The following SNTB2 variants were observed in gnomAD, a reference collection of about 807,000 sequenced individuals.
SNTB2 encodes the protein syntrophin beta 2.
SNTB2 carries 34 observed loss-of-function variants against 46.2 expected under a neutral mutation model. That is an observed-to-expected ratio of 0.74 (90% CI 0.56 to 0.98). SNTB2 has a LOEUF of 0.98. Ranked by LOEUF, SNTB2 falls within the 50% of genes least tolerant of loss-of-function variation. The probability of loss-of-function intolerance (pLI) is 0.00; values close to 1 mark genes in which losing one functional copy is unlikely to be tolerated. For missense variants in SNTB2, 603 were observed against 731.4 expected (o/e 0.82, Z 2.02); for synonymous variants, 290 against 312.6 (o/e 0.93, Z 0.76).
intron 3 of SNTB2, among the ~76,000 whole-genome samples, chr16:69,266,475 G>T (rs906261129): frequency 2.0e-5 from 3 of 152,114 alleles, no homozygotes; most frequent in African/African-American, 7.2e-5. Flanking sequence ...AGAGGGAAAA[G>T]ATATTCTCTA....
chr16:69,227,084 ATTC>A (rs1274982614), intron 1 of SNTB2, among the ~76,000 whole-genome samples: 1 of 152,228 alleles, frequency 6.6e-6, no homozygotes, highest in African/African-American at 2.4e-5. Flanking sequence ...AGGGCCTTTT[ATTC>A]AAACAGTTGC....
chr16:69,254,725 C>G (rs969934060), intron 2 of SNTB2, among the ~76,000 whole-genome samples: 3 of 152,168 alleles, frequency 2.0e-5, no homozygotes, highest in Non-Finnish European at 4.4e-5. Context: ...TGCCTATAAT[C>G]CTAGCACTTT....
chr16:69,264,574 A>G (rs907900421), intron 3 of SNTB2, among the ~76,000 whole-genome samples: 2 of 152,230 alleles, frequency 1.3e-5, no homozygotes, highest in African/African-American at 4.8e-5. Context: ...ACAGAAGAGC[A>G]GCCGAGTTCA....
intron 1 of SNTB2, among the ~76,000 whole-genome samples, chr16:69,222,166 C>G (rs115756191): frequency 2.0e-5 from 3 of 152,160 alleles, no homozygotes; most frequent in African/African-American, 4.8e-5. Flanking sequence ...ACCGCAAGTT[C>G]CTTGCAATAG....
At chr16:69,239,350 G>A (rs1220248142) in intron 1 of SNTB2, among the ~76,000 whole-genome samples, 1 of 151,796 alleles carries the variant, frequency 6.6e-6, no homozygotes, top group African/African-American at 2.4e-5. Context: ...TTATCATACT[G>A]TACAATTGAA....
chr16:69,279,688 G>A (rs183636327), intron 4 of SNTB2, among the ~76,000 whole-genome samples: 1 of 136,730 alleles, frequency 7.3e-6, no homozygotes, highest in Non-Finnish European at 1.6e-5. Context: ...ACCATGCCCG[G>A]CTAATTTTTT....
intron 2 of SNTB2, among the ~76,000 whole-genome samples, chr16:69,256,936 G>A (rs190007530): frequency 6.6e-5 from 10 of 152,284 alleles, no homozygotes; most frequent in Admixed American, 6.5e-5. Context: ...TTGGGAGACC[G>A]AGGCAGGCGG....
intron 1 of SNTB2, among the ~76,000 whole-genome samples, chr16:69,198,772 A>T (rs1964131424): frequency 6.6e-6 from 1 of 152,210 alleles, no homozygotes; most frequent in Non-Finnish European, 1.5e-5. Context: ...TTTCTTACCT[A>T]TTAAAAATAA....
At chr16:69,224,671 A>G (rs1272113986) in intron 1 of SNTB2, among the ~76,000 whole-genome samples, 1 of 152,202 alleles carries the variant, frequency 6.6e-6, no homozygotes, top group Non-Finnish European at 1.5e-5. Flanking sequence ...CATGCCTACT[A>G]CACTTACTAA....
rs1175655013 is a variant in SNTB2 at position 69,260,122 on chromosome 16, C to T, written c.867C>T (p.His289=). The change falls in exon 3 of 7, where the codon CAC becomes CAT. Residue 289 remains histidine, a synonymous_variant. Coordinates refer to ENST00000336278, the MANE Select transcript of SNTB2 (RefSeq NM_006750.4). ...ILRCKDTATA[H]SWFVAIHTNI... is the part of the protein sequence containing the mutation. ...GCTGCAAAGATACAGCCACAGCACA[C>T]TCCTGGTTCGTAGCTATCCACACCA... The T allele has an allele frequency of 6.2e-7, 1 of 1,613,998 alleles. No individual in the cohort carries two copies. The highest frequency in any genetic ancestry group is 1.3e-5 in the African/African-American group (1 of 74,986).
chr16:69,282,148 G>A (rs1360000582), intron 4 of SNTB2, among the ~76,000 whole-genome samples: 6 of 149,286 alleles, frequency 4.0e-5, no homozygotes, highest in Non-Finnish European at 6.0e-5. Context: ...CAAGTGATCC[G>A]CCCGCCTTGG....
At chr16:69,225,655 C>T (rs572328328) in intron 1 of SNTB2, among the ~76,000 whole-genome samples, 1 of 152,198 alleles carries the variant, frequency 6.6e-6, no homozygotes, top group South Asian at 2.1e-4. Flanking sequence ...GGACACATGT[C>T]TTCCTTTTAT....
intron 1 of SNTB2, among the ~76,000 whole-genome samples, chr16:69,244,647 A>G (rs1325670110): frequency 2.0e-5 from 3 of 152,194 alleles, no homozygotes; most frequent in Non-Finnish European, 2.9e-5. Flanking sequence ...CCTATCTACT[A>G]AAAGCTTGAT....
chr16:69,199,619 T>G (rs1367534704), intron 1 of SNTB2, among the ~76,000 whole-genome samples: 2 of 112,986 alleles, frequency 1.8e-5, no homozygotes, highest in Non-Finnish European at 3.9e-5. Flanking sequence ...AAAGGCGATC[T>G]TTTTCTCTTA....
chr16:69,233,350 CAAAAT>C (rs1174396238), intron 1 of SNTB2, among the ~76,000 whole-genome samples: 1 of 152,004 alleles, frequency 6.6e-6, no homozygotes, highest in Non-Finnish European at 1.5e-5. Flanking sequence ...GTTCTTCAGA[CAAAAT>C]AAAAGCATTA....
intron 1 of SNTB2, among the ~76,000 whole-genome samples, chr16:69,190,837 C>T (rs1039537195): frequency 8.5e-5 from 13 of 152,142 alleles, no homozygotes; most frequent in Admixed American, 7.2e-4. Context: ...TTAGTTTCCT[C>T]ATCTGTAAAG....
rs180869676 is a variant in SNTB2, at chr16:69,256,446, G to C, written c.795-3604G>C. Among the ~76,000 whole-genome samples the C allele has an allele frequency of 7.9e-3, 1,202 of 151,976 alleles. 13 individuals are homozygous for C. The highest frequency in any genetic ancestry group is 0.012 in the Non-Finnish European group (823 of 67,958). ...CCAATGTCCAGAAATTTTTCTTCTT[G>C]CAAAACTAAAATACTCTACTCATTG... On this transcript the variant is annotated intron_variant, in intron 2 of 6. Coordinates refer to ENST00000336278, the MANE Select transcript of SNTB2 (RefSeq NM_006750.4).
chr16:69,224,887 G>A (rs1008351885), intron 1 of SNTB2, among the ~76,000 whole-genome samples: 3 of 152,122 alleles, frequency 2.0e-5, no homozygotes, highest in African/African-American at 7.2e-5. Flanking sequence ...CAAATTATCA[G>A]CAGATAAAGT....
rs77388051 is a variant in SNTB2, at chr16:69,293,043, A to G, written c.1346-6547A>G. ...AGAGTATTTCAAGGGAGGAAAAGTC[A>G]GTAGGAGTAAATGTATTAGTTGGGA... On this transcript the variant is annotated intron_variant, in intron 5 of 6. Coordinates refer to ENST00000336278, the MANE Select transcript of SNTB2 (RefSeq NM_006750.4). 9.0e-3 allele frequency among the ~76,000 whole-genome samples: 1,366 copies of G among 152,256 alleles called. 68 individuals are homozygous for G. The East Asian group carries it at 0.16, about 17-fold the overall frequency.
Sources: allele counts gnomAD v4.1 joint callset (sites outside exome capture counted in the v4.1 genomes callset), GRCh38; gene constraint gnomAD v4.1.1; transcripts MANE v1.5; gene names NCBI Gene and HGNC (gene_info 2026-07-23, HGNC 2026-07-21).